The following PCDHA6 variants were observed in gnomAD, a reference collection of about 807,000 sequenced individuals.
PCDHA6 encodes protocadherin alpha 6.
Under a neutral mutation model 60.3 loss-of-function variants are expected in PCDHA6, and 55 were observed. The ratio of observed to expected loss-of-function variants is 0.91; its 90% CI spans 0.73 to 1.14. The LOEUF (loss-of-function observed/expected upper bound fraction) is 1.14. PCDHA6 is among the 50% of genes most tolerant of loss of function. PCDHA6 has a pLI of 0.00. For synonymous variants in PCDHA6, 652 were observed against 557.9 expected (o/e 1.17, Z -2.38); for missense variants, 1,327 against 1,256.5 (o/e 1.06, Z -0.85).
chr5:140,848,532 C>T, intron 1 of PCDHA6: 2 of 1,594,974 alleles, frequency 1.3e-6, no homozygotes, highest in Non-Finnish European at 1.7e-6. Context: ...AGAGGGTCAG[C>T]CTCTACTGCT....
intron 1 of PCDHA6, 168 bp from the exon 2 acceptor site, chr5:140,978,781 A>G (rs4461687): frequency 4.1e-6 from 4 of 969,772 alleles, no homozygotes; most frequent in South Asian, 4.8e-5. Context: ...ATTTTCTTCT[A>G]AAGTGCTATA....
At chr5:140,870,737 G>A in intron 1 of PCDHA6, 1 of 1,613,478 alleles carries the variant, frequency 6.2e-7, no homozygotes, top group Non-Finnish European at 8.5e-7. Flanking sequence ...CCGCCTCTGA[G>A]CAGCAACGTG....
chr5:140,943,276 AAGAAAG>A (rs2093462778), intron 1 of PCDHA6, among the ~76,000 whole-genome samples: 3 of 135,982 alleles, frequency 2.2e-5, no homozygotes, highest in African/African-American at 8.7e-5. Flanking sequence ...AAAAAAAAAA[AAGAAAG>A]AAAGAATTAA....
At chr5:140,943,070 A>G (rs2093413648) in intron 1 of PCDHA6, among the ~76,000 whole-genome samples, 2 of 152,004 alleles carry the variant, frequency 1.3e-5, no homozygotes, top group Non-Finnish European at 2.9e-5. Context: ...CAGCCTGACC[A>G]ACATGGTGAA....
intron 1 of PCDHA6, chr5:140,843,575 C>T (rs1778980486): frequency 6.3e-7 from 1 of 1,595,908 alleles, no homozygotes; most frequent in Non-Finnish European, 8.6e-7. Flanking sequence ...GTCATACTCG[C>T]AACAACAGCC....
At chr5:140,980,722 A>G (rs1318137295) in intron 2 of PCDHA6, among the ~76,000 whole-genome samples, 1 of 152,356 alleles carries the variant, frequency 6.6e-6, no homozygotes, top group South Asian at 2.1e-4. Context: ...TCGGGTTTCA[A>G]TTAAGATATT....
intron 1 of PCDHA6, chr5:140,871,036 C>T: frequency 6.2e-7 from 1 of 1,613,274 alleles, no homozygotes; most frequent in Non-Finnish European, 8.5e-7. Context: ...GCCGCGCCAC[C>T]GACTTCTAGT....
At chr5:140,875,884 C>T (rs531777396) in intron 1 of PCDHA6, 2 of 1,614,168 alleles carry the variant, frequency 1.2e-6, no homozygotes, top group South Asian at 2.2e-5. Flanking sequence ...AGAAAGGGAA[C>T]AAAAGGTACC....
At chr5:140,968,133 A>C in intron 1 of PCDHA6, 6 of 1,614,140 alleles carry the variant, frequency 3.7e-6, no homozygotes, top group Non-Finnish European at 5.1e-6. Context: ...CGTACACTGA[A>C]GGTTGAGATC....
chr5:140,893,929 T>C (rs2064240374), intron 1 of PCDHA6, among the ~76,000 whole-genome samples: 1 of 152,214 alleles, frequency 6.6e-6, no homozygotes, highest in South Asian at 2.1e-4. Flanking sequence ...TCAGAATCTC[T>C]ACCTGTTAAT....
intron 1 of PCDHA6, chr5:140,883,864 G>A: frequency 6.2e-7 from 1 of 1,613,210 alleles, no homozygotes; most frequent in East Asian, 2.2e-5. Flanking sequence ...AGCTGTTGCA[G>A]TTCCAGGTGA....
At chr5:140,969,930 C>T (rs1200018667) in intron 1 of PCDHA6, among the ~76,000 whole-genome samples, 1 of 152,178 alleles carries the variant, frequency 6.6e-6, no homozygotes, top group Non-Finnish European at 1.5e-5. Flanking sequence ...AGTATTTAGA[C>T]ATCATACTGA....
intron 1 of PCDHA6, chr5:140,856,494 C>A: frequency 6.3e-7 from 1 of 1,598,382 alleles, no homozygotes; most frequent in Non-Finnish European, 8.6e-7. Flanking sequence ...CTGCTTGACT[C>A]TCGATTTCCA....
intron 1 of PCDHA6, among the ~76,000 whole-genome samples, chr5:140,937,332 C>T (rs1003482242): frequency 6.3e-4 from 96 of 152,212 alleles, no homozygotes; most frequent in African/African-American, 2.0e-3. Context: ...CCACCGCGCC[C>T]GGCTTCTTCC....
intron 1 of PCDHA6, among the ~76,000 whole-genome samples, chr5:140,963,640 CT>C (rs1426012343): frequency 6.6e-6 from 1 of 152,164 alleles, no homozygotes; most frequent in African/African-American, 2.4e-5. Flanking sequence ...CGCATCTTCC[CT>C]ATCATGGTTG....
chr5:140,948,189 G>A (rs1032631604), intron 1 of PCDHA6, among the ~76,000 whole-genome samples: 4 of 151,532 alleles, frequency 2.6e-5, no homozygotes, highest in African/African-American at 9.7e-5. Context: ...ATCCCACTTA[G>A]TCATGATATA....
intron 1 of PCDHA6, chr5:140,856,310 C>A: frequency 1.3e-6 from 2 of 1,598,548 alleles, no homozygotes; most frequent in Non-Finnish European, 1.7e-6. Context: ...TGTGAATTCT[C>A]GGATTGACCG....
chr5:140,932,700 AT>A (rs2088549755), intron 1 of PCDHA6, among the ~76,000 whole-genome samples: 1 of 151,992 alleles, frequency 6.6e-6, no homozygotes, highest in Non-Finnish European at 1.5e-5. Context: ...AAAAACTCAT[AT>A]AGACAACACA....
At chr5:140,871,911 A>G (rs2053380850) in intron 1 of PCDHA6, among the ~76,000 whole-genome samples, 1 of 152,196 alleles carries the variant, frequency 6.6e-6, no homozygotes, top group Non-Finnish European at 1.5e-5. Flanking sequence ...TTTTGCCTTG[A>G]TATTTCCACA....
Sources: gnomAD v4.1 joint callset for allele counts (sites outside exome capture counted in the v4.1 genomes callset) on GRCh38, gnomAD v4.1.1 for gene constraint, MANE v1.5 for transcripts, NCBI Gene and HGNC (gene_info 2026-07-23, HGNC 2026-07-21) for gene names.